CFAP20DC: variants seen among roughly 807,000 people sequenced by gnomAD.
CFAP20DC encodes the protein protein CFAP20DC.
In CFAP20DC, 84 loss-of-function variants were observed where a neutral mutation model predicts 101.7. The ratio of observed to expected loss-of-function variants is 0.83; its 90% CI spans 0.69 to 0.99. The LOEUF is 0.99. CFAP20DC is among the 50% of genes least tolerant of loss of function. The pLI is 0.00. For synonymous variants in CFAP20DC, 359 were observed against 351.2 expected (o/e 1.02, Z -0.25); for missense variants, 1,007 against 970.3 (o/e 1.04, Z -0.50).
At chr3:58,797,310 A>C (rs2073331394) in intron 15 of CFAP20DC, among the ~76,000 whole-genome samples, 2 of 152,336 alleles carry the variant, frequency 1.3e-5, no homozygotes, top group African/African-American at 4.8e-5. Context: ...ACAAATGGTA[A>C]GAAAGTGAAA....
At chr3:59,026,142 G>C (rs74695855) in intron 4 of CFAP20DC, among the ~76,000 whole-genome samples, 1,781 of 152,100 alleles carry the variant, frequency 0.012, 35 homozygotes, top group African/African-American at 0.041. Flanking sequence ...GATTATGCAA[G>C]TACATTTAAT....
intron 13 of CFAP20DC, among the ~76,000 whole-genome samples, chr3:58,846,473 C>T (rs1255853840): frequency 6.6e-6 from 1 of 152,032 alleles, no homozygotes; most frequent in Non-Finnish European, 1.5e-5. Context: ...TGAAGGACCT[C>T]TTCAGGGAGA....
At chr3:58,823,390 C>G (rs1396728348) in intron 14 of CFAP20DC, among the ~76,000 whole-genome samples, 1 of 152,086 alleles carries the variant, frequency 6.6e-6, no homozygotes, top group Non-Finnish European at 1.5e-5. Context: ...TAGAGAATAT[C>G]GTAAGTAGAT....
At chr3:58,939,760 T>A (rs2088255024) in intron 4 of CFAP20DC, among the ~76,000 whole-genome samples, 1 of 106,124 alleles carries the variant, frequency 9.4e-6, no homozygotes, top group Non-Finnish European at 1.9e-5. Flanking sequence ...GCCCGGCCCA[T>A]TTTTTTTTTT....
Position 58,911,139 on chromosome 3 carries a change from C to T in CFAP20DC, c.550+2569G>A, listed in dbSNP as rs116350495. ...AAGAATGCTGAAGTATGCATTCATT[C>T]TGCTCTGAGATAAATGCCTACATGA... On this transcript the variant is annotated intron_variant, in intron 6 of 16. Coordinates refer to ENST00000482387, the MANE Select transcript of CFAP20DC (RefSeq NM_001394063.1). Among the ~76,000 whole-genome samples the T allele has an allele frequency of 5.2e-3, 798 of 152,208 alleles. 5 individuals are homozygous for T. Among genetic ancestry groups the T allele is most frequent in the South Asian group, 0.015 (72 of 4,828 alleles).
rs186127761 is a variant in CFAP20DC at position 58,733,457 on chromosome 3, G to C, written c.198-15829C>G. Among the ~76,000 whole-genome samples the C allele has an allele frequency of 3.3e-5, 5 of 152,268 alleles. No homozygotes were observed. In the East Asian group the frequency reaches 7.7e-4, roughly 23 times the overall value. ...CTCTGAGGGAAAAAATGTATTAACA[G>C]ATAAAGATGAGGTGATTTGGAATAA... On this transcript the variant is annotated intron_variant, in intron 3 of 3. Coordinates refer to the CFAP20DC transcript ENST00000486145.
chr3:58,911,608 T>C (rs1207364090), intron 6 of CFAP20DC, among the ~76,000 whole-genome samples: 4 of 152,128 alleles, frequency 2.6e-5, no homozygotes, highest in African/African-American at 7.2e-5. Context: ...ATCTATAATA[T>C]AGTAACACTT....
chr3:58,739,576 A>T (rs1575524711), downstream of CFAP20DC, among the ~76,000 whole-genome samples: 1 of 152,382 alleles, frequency 6.6e-6, no homozygotes, highest in East Asian at 1.9e-4. Context: ...TGCATGTCAG[A>T]TCTAATCTAT....
chr3:58,860,660 T>C (rs1465328046), intron 12 of CFAP20DC, among the ~76,000 whole-genome samples: 2 of 152,192 alleles, frequency 1.3e-5, no homozygotes, highest in East Asian at 3.8e-4. Flanking sequence ...AATAATAAAA[T>C]ATTAACATAA....
intron 5 of CFAP20DC, among the ~76,000 whole-genome samples, chr3:58,936,116 C>T (rs1434182710): frequency 6.6e-6 from 1 of 151,992 alleles, no homozygotes; most frequent in East Asian, 1.9e-4. Context: ...GGGCGAAGGA[C>T]ATGAACAGAC....
chr3:58,944,629 A>ATAG (rs969344413), intron 4 of CFAP20DC, among the ~76,000 whole-genome samples: 46 of 150,382 alleles, frequency 3.1e-4, no homozygotes, highest in African/African-American at 1.1e-3. Context: ...TTCTGTCCTT[A>ATAG]TAGAGTTTAC....
At chr3:58,974,252 G>C (rs138482360) in intron 4 of CFAP20DC, among the ~76,000 whole-genome samples, 1 of 152,082 alleles carries the variant, frequency 6.6e-6, no homozygotes, top group East Asian at 1.9e-4. Context: ...AACCCTCGCC[G>C]TCCTCCCACC....
At chr3:58,726,015 T>A (rs1279452913) in intron 3 of CFAP20DC, 1 of 152,428 alleles carries the variant, frequency 6.6e-6, no homozygotes, top group Non-Finnish European at 1.5e-5. Flanking sequence ...AACAAATGGA[T>A]TGCTTTGTGA....
chr3:59,039,764 C>T (rs1245681670), intron 3 of CFAP20DC, 135 bp from the exon 4 acceptor site: 8 of 483,522 alleles, frequency 1.7e-5, no homozygotes, highest in Non-Finnish European at 2.9e-5. Flanking sequence ...ATAGCACTAC[C>T]TATGAGTTAC....
intron 3 of CFAP20DC, among the ~76,000 whole-genome samples, chr3:58,719,037 G>A (rs1303694192): frequency 6.6e-6 from 1 of 152,156 alleles, no homozygotes; most frequent in Non-Finnish European, 1.5e-5. Context: ...GGGCCTAGGA[G>A]TTTGAGACCA....
chr3:58,772,144 A>G (rs577024522), intron 15 of CFAP20DC, among the ~76,000 whole-genome samples: 1 of 152,294 alleles, frequency 6.6e-6, no homozygotes, highest in East Asian at 1.9e-4. Context: ...CGAGGATCTT[A>G]AGTGATGGCA....
rs75805108 is a variant in CFAP20DC, at chr3:58,863,046, C to T, written c.1593+512G>A. 3.0e-4 allele frequency: 297 copies of T among 989,328 alleles called. 3 individuals are homozygous for T. The East Asian group carries it at 0.025, about 82-fold the overall frequency. The allele number at this position is 989,328 out of a possible 1,614,324, so 61.3% of individuals were successfully genotyped here. A position where few individuals can be genotyped will look rare whatever the true frequency, so the allele number is the denominator to read the frequency against. On this transcript the variant is annotated intron_variant, in intron 12 of 16. Transcript: ENST00000482387. This position sits in a 1 kb window ranked among gnomAD's most constrained non-coding sequence, Gnocchi z 5.9. ...TAAGGCAAGTCCCAGCACTAATCCA[C>T]GACTCATTATCTAAACTTTAATTGG... is the stretch of plus-strand genomic sequence containing the variant.
chr3:58,941,327 C>CAAAAAAAAAAAAAAAA (rs752324535), intron 4 of CFAP20DC, among the ~76,000 whole-genome samples: 2 of 19,534 alleles, frequency 1.0e-4, no homozygotes, highest in Non-Finnish European at 9.1e-5. Context: ...GACTCCGTCT[C>CAAAAAAAAAAAAAAAA]AAAAAAAAAA....
intron 5 of CFAP20DC, among the ~76,000 whole-genome samples, chr3:58,922,710 T>G (rs2085521141): frequency 1.3e-5 from 2 of 152,136 alleles, no homozygotes; most frequent in South Asian, 4.1e-4. Context: ...TGAAGAACCA[T>G]AAGCCAAATA....
Sources: gnomAD v4.1 joint callset for allele counts (sites outside exome capture counted in the v4.1 genomes callset) on GRCh38, gnomAD v4.1.1 for gene constraint, Gnocchi (gnomAD v3.1) non-coding constraint, MANE v1.5 for transcripts, NCBI Gene and HGNC (gene_info 2026-07-23, HGNC 2026-07-21) for gene names.